Variants in ADAMTS3 observed in about 807,000 individuals in gnomAD.
ADAMTS3 encodes the protein ADAM metallopeptidase with thrombospondin type 1 motif 3.
Under a neutral mutation model 129.0 loss-of-function variants are expected in ADAMTS3, and 73 were observed. The ratio of observed to expected loss-of-function variants is 0.57; its 90% CI spans 0.47 to 0.69. The LOEUF is 0.69. ADAMTS3 is among the 30% of genes least tolerant of loss of function. The pLI, the probability that ADAMTS3 is intolerant of heterozygous loss-of-function variation, is 0.00. For synonymous variants in ADAMTS3, 477 were observed against 510.8 expected, an observed-to-expected ratio of 0.93 and a Z score of 0.89; for missense variants, 1,457 against 1,514.5, an observed-to-expected ratio of 0.96 and a Z score of 0.63.
intron 3 of ADAMTS3, among the ~76,000 whole-genome samples, chr4:72,453,711 T>A (rs1718468970): frequency 6.6e-6 from 1 of 151,564 alleles, no homozygotes. Flanking sequence ...TGGGTACTTG[T>A]TAATTTTTTT....
At chr4:72,411,429 T>C (rs944375498) in intron 4 of ADAMTS3, among the ~76,000 whole-genome samples, 1 of 152,116 alleles carries the variant, frequency 6.6e-6, no homozygotes, top group African/African-American at 2.4e-5. Flanking sequence ...CCTCCTTATC[T>C]ATAGCAAATA....
rs756642673 is a variant in ADAMTS3 at position 72,423,961 on chromosome 4, TA to T, written c.505-8991del. 5.3e-5 allele frequency among the ~76,000 whole-genome samples: 8 copies of T among 152,232 alleles called. No individual in the cohort carries two copies. In the East Asian group the frequency reaches 7.7e-4, roughly 15 times the overall value. ...TTATTTTAAAGCCAGAGGGAATTTT[TA>T]TCTCTTTTGAACTCCCAGAATTTTA... On this transcript the variant is annotated intron_variant, in intron 3 of 21. Transcript: ENST00000286657.
At chr4:72,460,555 T>C (rs1380170594) in intron 3 of ADAMTS3, among the ~76,000 whole-genome samples, 2 of 151,378 alleles carry the variant, frequency 1.3e-5, no homozygotes, top group Non-Finnish European at 3.0e-5. Context: ...GCATAATTTA[T>C]TTTTAAAAAT....
chr4:72,312,262 A>G, intron 13 of ADAMTS3, 29 bp downstream of exon 13: 1 of 1,612,010 alleles, frequency 6.2e-7, no homozygotes, highest in Non-Finnish European at 8.5e-7. Context: ...CCATCCACAC[A>G]GCAGGAAGGA....
rs1722102105 is a variant in ADAMTS3 at position 72,569,215 on chromosome 4, GAA to G, written c.-455_-454del. 6.2e-6 allele frequency: 1 copy of G among 161,860 alleles called. No individual in the cohort carries two copies. Among genetic ancestry groups the G allele is most frequent in the African/African-American group, 2.4e-5 (1 of 41,754 alleles). 10.0% of individuals were successfully genotyped at this position (161,860 alleles called of 1,614,324 possible). ...GAGAGACGAGCGAGCGGGAGCGGGA[GAA>G]AGAGGCAGGGAGAGGGCGACTCCGC... On this transcript the variant is annotated 5_prime_UTR_variant, in exon 1 of 22. Coordinates refer to ENST00000286657, the MANE Select transcript of ADAMTS3 (RefSeq NM_014243.3).
intron 3 of ADAMTS3, among the ~76,000 whole-genome samples, chr4:72,525,925 C>G (rs1720793902): frequency 6.6e-6 from 1 of 152,112 alleles, no homozygotes. Context: ...CCCCATGTAC[C>G]TGTGAATAGC....
intron 4 of ADAMTS3, among the ~76,000 whole-genome samples, chr4:72,360,505 C>T (rs1262122603): frequency 6.6e-6 from 1 of 151,464 alleles, no homozygotes; most frequent in Admixed American, 6.6e-5. Flanking sequence ...TTAGTAAAGA[C>T]ACTTTTTATG....
chr4:72,482,630 A>G (rs563127978), intron 3 of ADAMTS3, among the ~76,000 whole-genome samples: 1 of 152,282 alleles, frequency 6.6e-6, no homozygotes, highest in East Asian at 1.9e-4. Flanking sequence ...GTAATATCAT[A>G]CTGTAGTTGA....
chr4:72,519,116 T>C (rs1720583447), intron 3 of ADAMTS3, among the ~76,000 whole-genome samples: 2 of 151,842 alleles, frequency 1.3e-5, no homozygotes, highest in African/African-American at 4.8e-5. Flanking sequence ...TGGCTGGATA[T>C]GAAATTCTGG....
Position 72,298,544 on chromosome 4 carries a change from A to G in ADAMTS3, c.2425-102T>C, listed in dbSNP as rs531384391. 57 of 891,036 alleles carry G rather than the reference A, an allele frequency of 6.4e-5. No homozygotes were observed. The South Asian group carries it at 1.4e-3, about 22-fold the overall frequency. 55.2% of individuals were successfully genotyped at this position (891,036 alleles called of 1,614,324 possible). A position where few individuals can be genotyped will look rare whatever the true frequency, so the allele number is the denominator to read the frequency against. ...AATATTGCTCTTATTAAAACTGAAA[A>G]CTTTCAAATAGTTTCAAAAATTATA... On this transcript the variant is annotated intron_variant, in intron 17 of 21. Coordinates refer to ENST00000286657, the MANE Select transcript of ADAMTS3 (RefSeq NM_014243.3).
At chr4:72,520,500 G>C (rs1720635044) in intron 3 of ADAMTS3, among the ~76,000 whole-genome samples, 1 of 152,338 alleles carries the variant, frequency 6.6e-6, no homozygotes, top group Non-Finnish European at 1.5e-5. Context: ...CCACCCAGTT[G>C]GAGCTTCCCG....
At chr4:72,394,074 G>T (rs754538816) in intron 4 of ADAMTS3, among the ~76,000 whole-genome samples, 1 of 152,090 alleles carries the variant, frequency 6.6e-6, no homozygotes, top group African/African-American at 2.4e-5. Flanking sequence ...CACTATAAAG[G>T]TCTCTAGACT....
At chr4:72,341,564 T>A (rs188812192) in intron 4 of ADAMTS3, among the ~76,000 whole-genome samples, 1 of 152,284 alleles carries the variant, frequency 6.6e-6, no homozygotes, top group African/African-American at 2.4e-5. Flanking sequence ...ATATAGGAAA[T>A]TCAGACATGA....
chr4:72,552,288 T>C (rs747406830), intron 2 of ADAMTS3, among the ~76,000 whole-genome samples: 1 of 152,194 alleles, frequency 6.6e-6, no homozygotes, highest in Non-Finnish European at 1.5e-5. Flanking sequence ...AGGTTAGTAA[T>C]AGTTACAACT....
intron 17 of ADAMTS3, among the ~76,000 whole-genome samples, chr4:72,302,664 C>G (rs112233710): frequency 0.015 from 2,317 of 151,840 alleles, 50 homozygotes; most frequent in African/African-American, 0.054. Flanking sequence ...TCAGTGAACC[C>G]CAAGCATAAG....
At chr4:72,392,736 AT>A (rs1454857275) in intron 4 of ADAMTS3, among the ~76,000 whole-genome samples, 1 of 151,982 alleles carries the variant, frequency 6.6e-6, no homozygotes, top group Middle Eastern at 3.2e-3. Context: ...GGGAATATAA[AT>A]TTTTTCACTG....
intron 4 of ADAMTS3, among the ~76,000 whole-genome samples, chr4:72,348,275 G>T (rs896270984): frequency 6.6e-6 from 1 of 152,028 alleles, no homozygotes; most frequent in Non-Finnish European, 1.5e-5. Flanking sequence ...GAGGGACAAG[G>T]CGAGGGAGGC....
intron 13 of ADAMTS3, among the ~76,000 whole-genome samples, chr4:72,311,650 T>G (rs570186208): frequency 4.6e-4 from 70 of 152,250 alleles, no homozygotes; most frequent in African/African-American, 1.4e-3. Context: ...GCATTGCAAC[T>G]TTGAATTCTT....
rs544879521 is a variant in ADAMTS3, at chr4:72,526,723, T to G, written c.504+21755A>C. The stretch of plus-strand genomic sequence containing the variant: ...CACACATATATAGAGACAGAAAAAA[T>G]ATATACATACATATATATATATATA... On this transcript the variant is annotated intron_variant, in intron 3 of 21. Transcript: ENST00000286657. Among the ~76,000 whole-genome samples the G allele has an allele frequency of 5.7e-3, 474 of 83,498 alleles. 5 individuals carry two copies. The highest frequency in any genetic ancestry group is 0.023 in the African/African-American group (457 of 20,206). 54.8% of individuals were successfully genotyped at this position (83,498 alleles called of 152,430 possible).
Sources: gnomAD v4.1 joint callset for allele counts (sites outside exome capture counted in the v4.1 genomes callset) on GRCh38, gnomAD v4.1.1 for gene constraint, MANE v1.5 for transcripts, NCBI Gene and HGNC (gene_info 2026-07-23, HGNC 2026-07-21) for gene names.